The following VWA8 variants were observed in gnomAD, a reference collection of about 807,000 sequenced individuals.
VWA8 encodes von Willebrand factor A domain containing 8, also known as von Willebrand factor A domain-containing protein 8.
A neutral mutation model predicts 241.5 loss-of-function variants in VWA8; 221 were observed. That is an observed-to-expected ratio of 0.91 (90% CI 0.82 to 1.02). The LOEUF (loss-of-function observed/expected upper bound fraction) is 1.02, where lower values mean the gene tolerates loss of function less well. Ranked by LOEUF, VWA8 falls within the 50% of genes least tolerant of loss-of-function variation. VWA8 has a pLI of 0.00. For synonymous variants in VWA8, 852 were observed against 827.1 expected, an observed-to-expected ratio of 1.03 and a Z score of -0.52; for missense variants, 2,322 against 2,328.7, an observed-to-expected ratio of 1.00 and a Z score of 0.06.
At chr13:41,680,799 T>C (rs1276512773) in intron 35 of VWA8, among the ~76,000 whole-genome samples, 3 of 152,168 alleles carry the variant, frequency 2.0e-5, no homozygotes, top group Admixed American at 2.0e-4. Flanking sequence ...AGGCTATTCA[T>C]AGCACCATTA....
intron 37 of VWA8, among the ~76,000 whole-genome samples, chr13:41,622,351 T>C (rs1186023746): frequency 6.6e-6 from 1 of 152,202 alleles, no homozygotes; most frequent in African/African-American, 2.4e-5. Context: ...TTCAGAAAGT[T>C]GATAAGCTGC....
At chr13:41,881,387 G>GGGGGGGGGGGA (rs1566492539) in intron 9 of VWA8, among the ~76,000 whole-genome samples, 1 of 32,130 alleles carries the variant, frequency 3.1e-5, no homozygotes, top group Non-Finnish European at 6.2e-5. Context: ...GGGGGGGGGG[G>GGGGGGGGGGGA]GGGGTAAGGT....
At chr13:41,671,725 C>A (rs1325675311) in intron 36 of VWA8, among the ~76,000 whole-genome samples, 1 of 152,012 alleles carries the variant, frequency 6.6e-6, no homozygotes, top group Non-Finnish European at 1.5e-5. Flanking sequence ...CATGTGGTCT[C>A]TGCCTGTTTC....
chr13:41,739,827 GT>G (rs779464048), intron 21 of VWA8, among the ~76,000 whole-genome samples: 20,709 of 88,850 alleles, frequency 0.23, 2,430 homozygotes, highest in African/African-American at 0.41. Context: ...TTGTTTTTTT[GT>G]TTTTTTTTTT....
At chr13:41,775,412 C>T (rs1396460271) in intron 20 of VWA8, among the ~76,000 whole-genome samples, 1 of 152,158 alleles carries the variant, frequency 6.6e-6, no homozygotes, top group African/African-American at 2.4e-5. Flanking sequence ...GATAAGAGTA[C>T]AAGATGGCAA....
At chr13:41,867,651 C>T (rs763679683) in intron 10 of VWA8, among the ~76,000 whole-genome samples, 34 of 152,062 alleles carry the variant, frequency 2.2e-4, no homozygotes, top group Non-Finnish European at 4.4e-4. Flanking sequence ...TGGATATAAT[C>T]AATATTCAGT....
intron 21 of VWA8, among the ~76,000 whole-genome samples, chr13:41,750,627 C>T (rs986550718): frequency 4.6e-5 from 7 of 152,130 alleles, no homozygotes; most frequent in Non-Finnish European, 1.0e-4. Context: ...TAAGAGCTCA[C>T]TGCAGATATG....
chr13:41,893,952 T>C (rs1204875540), intron 4 of VWA8, among the ~76,000 whole-genome samples: 3 of 152,346 alleles, frequency 2.0e-5, no homozygotes, highest in African/African-American at 4.8e-5. Context: ...ATATATTTAC[T>C]TCAAGAAAGC....
intron 42 of VWA8, among the ~76,000 whole-genome samples, chr13:41,581,010 AT>A (rs1274814705): frequency 1.6e-5 from 2 of 127,326 alleles, no homozygotes; most frequent in Non-Finnish European, 1.5e-5. Context: ...ATTTTATTTT[AT>A]TTTTTTTTGA....
chr13:41,633,616 G>A (rs2044739211), intron 37 of VWA8, among the ~76,000 whole-genome samples: 1 of 152,152 alleles, frequency 6.6e-6, no homozygotes. Context: ...CTTACGATGT[G>A]AGCGACAAAT....
intron 24 of VWA8, among the ~76,000 whole-genome samples, chr13:41,725,857 T>C (rs773435570): frequency 9.2e-5 from 14 of 152,228 alleles, no homozygotes; most frequent in Non-Finnish European, 2.1e-4. Context: ...AGTGCATCAG[T>C]AATCTATGAA....
intron 42 of VWA8, among the ~76,000 whole-genome samples, chr13:41,585,230 C>A (rs1053915524): frequency 6.6e-6 from 1 of 152,152 alleles, no homozygotes; most frequent in Non-Finnish European, 1.5e-5. Context: ...TCTTTCTATA[C>A]ACTCGGCTGC....
At chr13:41,791,595 A>G (rs1490471695) in intron 17 of VWA8, among the ~76,000 whole-genome samples, 1 of 151,868 alleles carries the variant, frequency 6.6e-6, no homozygotes, top group African/African-American at 2.4e-5. Context: ...TGTATGAATA[A>G]AAAATATATT....
intron 37 of VWA8, 31 bp from the exon 38 acceptor site, chr13:41,615,115 A>G (rs757113735): frequency 1.7e-5 from 27 of 1,608,788 alleles, no homozygotes; most frequent in South Asian, 3.3e-5. Context: ...CATTTTTACT[A>G]TCCTGTGACA....
In VWA8 at chr13:41,675,215, C is replaced by T; in HGVS notation, c.4409G>A (p.Arg1470Lys). Reference sequence around the variant, plus strand: ...TAAGAACAAAGGTGAAATGGATTACCTGGGAATAGGGATATATCGGAGTTT... The same window carrying T: ...TAAGAACAAAGGTGAAATGGATTACTTGGGAATAGGGATATATCGGAGTTT... ...SKKLRYIPIP[R>K]SESLSPYTTW... Residue 1470 changes from arginine (R) to lysine (K), a missense_variant and splice_region_variant, in exon 36 of 45, where the codon AGA (arginine) becomes AAA (lysine). Physicochemically the swap from Arg to Lys is conservative, Grantham distance 26. Transcript: ENST00000379310. The T allele has an allele frequency of 6.2e-7, 1 of 1,607,200 alleles. No individual in the cohort carries two copies. The highest frequency in any genetic ancestry group is 8.5e-7 in the Non-Finnish European group (1 of 1,174,950).
At chr13:41,579,087 T>A (rs1162698908) in intron 42 of VWA8, among the ~76,000 whole-genome samples, 1 of 152,180 alleles carries the variant, frequency 6.6e-6, no homozygotes, top group African/African-American at 2.4e-5. Context: ...TGAATAAGAT[T>A]TATGTGTAAA....
intron 26 of VWA8, among the ~76,000 whole-genome samples, chr13:41,711,460 G>T (rs2045315631): frequency 6.6e-6 from 1 of 152,178 alleles, no homozygotes; most frequent in South Asian, 2.1e-4. Context: ...AAGTTGTAAT[G>T]ACTTAATAGC....
chr13:41,676,685 T>G (rs1174827149), intron 35 of VWA8, among the ~76,000 whole-genome samples: 1 of 152,182 alleles, frequency 6.6e-6, no homozygotes, highest in Non-Finnish European at 1.5e-5. Context: ...CAGGCTGGAG[T>G]GCAGTGGTGC....
At chr13:41,771,570 CT>C (rs550529007) in intron 20 of VWA8, among the ~76,000 whole-genome samples, 1 of 151,878 alleles carries the variant, frequency 6.6e-6, no homozygotes, top group Non-Finnish European at 1.5e-5. Context: ...CTCTTAGGGA[CT>C]TTTTTTTATT....
Sources: allele counts gnomAD v4.1 joint callset (sites outside exome capture counted in the v4.1 genomes callset), GRCh38; gene constraint gnomAD v4.1.1; transcripts MANE v1.5; gene names NCBI Gene and HGNC (gene_info 2026-07-23, HGNC 2026-07-21).